GRIA4: variants seen among roughly 807,000 people sequenced by gnomAD.
The protein encoded by GRIA4 is glutamate ionotropic receptor AMPA type subunit 4.
In GRIA4, 34 loss-of-function variants were observed where a neutral mutation model predicts 104.0. The ratio of observed to expected loss-of-function variants is 0.33; its 90% CI spans 0.25 to 0.44. The LOEUF is 0.44. GRIA4 is among the 20% of genes least tolerant of loss of function. The pLI is 1.00. For synonymous variants in GRIA4, 386 were observed against 381.9 expected (o/e 1.01, Z -0.13); for missense variants, 750 against 1,096.5 (o/e 0.68, Z 4.46).
At chr11:105,718,460 G>A (rs1041380949) in intron 3 of GRIA4, among the ~76,000 whole-genome samples, 1 of 152,202 alleles carries the variant, frequency 6.6e-6, no homozygotes, top group African/African-American at 2.4e-5. Flanking sequence ...TAAAGCAAAT[G>A]TCAACAAATT....
chr11:105,968,126 G>C (rs1164503263), intron 14 of GRIA4, among the ~76,000 whole-genome samples: 1 of 152,208 alleles, frequency 6.6e-6, no homozygotes, highest in African/African-American at 2.4e-5. Context: ...TCCTGGCTTA[G>C]CTGACCTTCA....
intron 6 of GRIA4, among the ~76,000 whole-genome samples, chr11:105,894,928 T>G (rs1946594540): frequency 7.3e-6 from 1 of 136,850 alleles, no homozygotes; most frequent in South Asian, 2.3e-4. Flanking sequence ...GCCTCCCGAG[T>G]AGCTGGGACT....
chr11:105,973,740 C>A (rs1858822169), intron 15 of GRIA4, among the ~76,000 whole-genome samples: 2 of 152,062 alleles, frequency 1.3e-5, no homozygotes, highest in Admixed American at 6.5e-5. Flanking sequence ...ACTGAAAGAA[C>A]AAATAATGTG....
At chr11:105,833,006 T>C (rs1390889652) in intron 4 of GRIA4, among the ~76,000 whole-genome samples, 1 of 152,072 alleles carries the variant, frequency 6.6e-6, no homozygotes, top group Admixed American at 6.6e-5. Context: ...TATGTGACTG[T>C]AAATCATCTT....
chr11:105,949,685 G>A (rs1948413624), intron 14 of GRIA4, among the ~76,000 whole-genome samples: 1 of 152,164 alleles, frequency 6.6e-6, no homozygotes, highest in South Asian at 2.1e-4. Context: ...ATAAGTCAGT[G>A]AGTGATTACT....
At chr11:105,973,238 G>T (rs562501916) in intron 15 of GRIA4, among the ~76,000 whole-genome samples, 4 of 152,132 alleles carry the variant, frequency 2.6e-5, no homozygotes, top group Non-Finnish European at 5.9e-5. Flanking sequence ...TATAAAACTC[G>T]TTAAGGGTCT....
chr11:105,976,855 T>C (rs188429935), intron 16 of GRIA4, among the ~76,000 whole-genome samples: 60 of 152,076 alleles, frequency 3.9e-4, no homozygotes, highest in African/African-American at 1.4e-3. Context: ...TGAATAGAAA[T>C]GGCATTTTAT....
intron 4 of GRIA4, among the ~76,000 whole-genome samples, chr11:105,804,268 C>A (rs1348009000): frequency 6.6e-6 from 1 of 151,768 alleles, no homozygotes; most frequent in Non-Finnish European, 1.5e-5. Context: ...GTAAAGCTGT[C>A]TTTTTGTTTT....
intron 14 of GRIA4, among the ~76,000 whole-genome samples, chr11:105,971,380 A>G (rs1411942595): frequency 6.6e-6 from 1 of 152,174 alleles, no homozygotes; most frequent in Non-Finnish European, 1.5e-5. Flanking sequence ...CACTGAAATC[A>G]CCCACCTTTT....
chr11:105,675,866 G>T (rs935914604), intron 3 of GRIA4, among the ~76,000 whole-genome samples: 11 of 151,784 alleles, frequency 7.2e-5, no homozygotes, highest in Non-Finnish European at 1.6e-4. Context: ...CAGTTTAAAA[G>T]TGAAAAATGT....
At chr11:105,666,262 C>T (rs75690892) in intron 3 of GRIA4, among the ~76,000 whole-genome samples, 4,038 of 151,908 alleles carry the variant, frequency 0.027, 101 homozygotes, top group African/African-American at 0.065. Flanking sequence ...ATTCACTAAT[C>T]CTTTCATTCA....
At chr11:105,645,210 T>C (rs1951492066) in intron 3 of GRIA4, among the ~76,000 whole-genome samples, 1 of 152,174 alleles carries the variant, frequency 6.6e-6, no homozygotes, top group South Asian at 2.1e-4. Flanking sequence ...AAAAAGACAC[T>C]TTACATAAGT....
intron 4 of GRIA4, among the ~76,000 whole-genome samples, chr11:105,841,150 C>A: frequency 6.6e-6 from 1 of 151,920 alleles, no homozygotes; most frequent in East Asian, 1.9e-4. Flanking sequence ...TTGTTTCTCT[C>A]TGATATGTTT....
At chr11:105,978,386 A>G (rs1439625730) in intron 16 of GRIA4, among the ~76,000 whole-genome samples, 1 of 152,060 alleles carries the variant, frequency 6.6e-6, no homozygotes, top group African/African-American at 2.4e-5. Context: ...GATGATAAGT[A>G]TTAATTTTTA....
chr11:105,904,865 T>C (rs1015365219), intron 8 of GRIA4, among the ~76,000 whole-genome samples: 1 of 152,144 alleles, frequency 6.6e-6, no homozygotes, highest in African/African-American at 2.4e-5. Context: ...GATATATAGA[T>C]AAAACTGAAA....
chr11:105,885,782 T>C (rs1188370834), intron 5 of GRIA4, among the ~76,000 whole-genome samples: 1 of 152,264 alleles, frequency 6.6e-6, no homozygotes, highest in Non-Finnish European at 1.5e-5. Context: ...GCAGATTGTA[T>C]TTTGAATTTA....
At chr11:105,644,944 A>G (rs1473935641) in intron 3 of GRIA4, among the ~76,000 whole-genome samples, 2 of 152,178 alleles carry the variant, frequency 1.3e-5, no homozygotes, top group African/African-American at 4.8e-5. Context: ...AATTCCTTCT[A>G]TTTTGGAAGT....
At chr11:105,735,283 A>G (rs1938863391) in intron 3 of GRIA4, among the ~76,000 whole-genome samples, 1 of 152,156 alleles carries the variant, frequency 6.6e-6, no homozygotes, top group Non-Finnish European at 1.5e-5. Flanking sequence ...ATAGTGAACC[A>G]TGGATGTTTG....
At chr11:105,830,406 A>G (rs1408113443) in intron 4 of GRIA4, among the ~76,000 whole-genome samples, 4 of 152,044 alleles carry the variant, frequency 2.6e-5, no homozygotes, top group Admixed American at 6.6e-5. Flanking sequence ...GTTTATTCAA[A>G]TACAGAATAT....
Sources: gnomAD v4.1 joint callset for allele counts (sites outside exome capture counted in the v4.1 genomes callset) on GRCh38, gnomAD v4.1.1 for gene constraint, MANE v1.5 for transcripts, NCBI Gene and HGNC (gene_info 2026-07-23, HGNC 2026-07-21) for gene names.